The following THNSL2 variants were observed in gnomAD, a reference collection of about 807,000 sequenced individuals.
The protein encoded by THNSL2 is threonine synthase like 2, also known as threonine synthase-like 2.
In THNSL2, 34 loss-of-function variants were observed where a neutral mutation model predicts 40.0. The ratio of observed to expected loss-of-function variants is 0.85; its 90% CI spans 0.65 to 1.13. The LOEUF (loss-of-function observed/expected upper bound fraction) is 1.13, where lower values mean the gene tolerates loss of function less well. Among genes scored for constraint, THNSL2 ranks in the 50% most tolerant of loss-of-function variants. THNSL2 has a pLI of 0.00. For synonymous variants in THNSL2, 241 were observed against 247.5 expected, an observed-to-expected ratio of 0.97 and a Z score of 0.25; for missense variants, 537 against 608.8, an observed-to-expected ratio of 0.88 and a Z score of 1.24.
In THNSL2 at chr2:88,173,165, C is replaced by A. The variant is rs1211843289; in HGVS notation, c.15C>A (p.Ser5Arg). 6.4e-7 allele frequency: 1 copy of A among 1,571,644 alleles called. No homozygotes were observed. Among genetic ancestry groups the A allele is most frequent in the Non-Finnish European group, 8.6e-7 (1 of 1,157,020 alleles). Residue 5 changes from serine (S) to arginine (R), a missense_variant, in exon 2 of 9, where the codon AGC (serine) becomes AGA (arginine). Transcript: ENST00000674334. MWYV[S>R]TRGVAPRVNF... ...CCTCCAGGATCATGTGGTATGTCAG[C>A]ACCAGGGGCGTAGCCCCACGGGTCA...
intron 4 of THNSL2, 38 bp from the exon 5 acceptor site, chr2:88,178,745 T>C (rs369856189): frequency 3.2e-5 from 51 of 1,611,470 alleles, no homozygotes; most frequent in Non-Finnish European, 5.9e-6. Context: ...GGGTTCTACA[T>C]GCTCCTGACA....
Position 88,179,009 on chromosome 2 carries a change from T to C in THNSL2, c.798T>C (p.Leu266=), listed in dbSNP as rs758196954. ...VVVPTGAAGN[L]AAGYIAQKIG... is the part of the protein sequence containing the mutation. The stretch of plus-strand genomic sequence containing the variant: ...TGCCAACAGGGGCTGCCGGTAACCT[T>C]GCAGGTAAGGAATCCCCGGGGCACA... Residue 266 remains leucine, a synonymous_variant, in exon 5 of 9, where the codon CTT becomes CTC. Coordinates refer to ENST00000674334, the MANE Select transcript of THNSL2 (RefSeq NM_018271.5). 8 of 1,614,158 alleles carry C rather than the reference T, an allele frequency of 5.0e-6. No homozygotes were observed. The highest frequency in any genetic ancestry group is 6.8e-6 in the Non-Finnish European group (8 of 1,180,008).
In THNSL2 at chr2:88,173,251, A is replaced by G; in HGVS notation, c.101A>G (p.Glu34Gly). The change falls in exon 2 of 9, where the codon GAG (glutamate) becomes GGG (glycine). Residue 34 changes from glutamate to glycine, a missense_variant. Coordinates refer to ENST00000674334, the MANE Select transcript of THNSL2 (RefSeq NM_018271.5). ...APDGGLFMPEELPQLDRGTLC... is the reference protein window; with the variant it reads ...APDGGLFMPEGLPQLDRGTLC... The stretch of plus-strand genomic sequence containing the variant: ...GACGGGGGCCTCTTTATGCCTGAAG[A>G]GCTCCCACAGTTGGACAGAGGGACC... 6.2e-7 allele frequency: 1 copy of G among 1,612,150 alleles called. No individual in the cohort carries two copies. Among genetic ancestry groups the G allele is most frequent in the South Asian group, 1.1e-5 (1 of 90,998 alleles).
At chr2:88,171,654 C>T (rs1422176135) in intron 1 of THNSL2, 3 of 184,052 alleles carry the variant, frequency 1.6e-5, no homozygotes, top group Admixed American at 5.9e-5. Flanking sequence ...TTGAGGGCAC[C>T]GCTAGCACCT....
At chr2:88,183,220 A>G in intron 7 of THNSL2, 147 bp downstream of exon 7, 3 of 1,084,058 alleles carry the variant, frequency 2.8e-6, no homozygotes, top group Non-Finnish European at 3.8e-6. Flanking sequence ...CTTTACATGG[A>G]ATAATTTATT....
intron 1 of THNSL2, chr2:88,171,585 T>G (rs1676384923): frequency 4.1e-6 from 1 of 241,370 alleles, no homozygotes. Flanking sequence ...CTCCACGGTC[T>G]TGGGCAGTTT....
At chr2:88,172,089 A>C (rs2104112042) in intron 1 of THNSL2, 1 of 152,410 alleles carries the variant, frequency 6.6e-6, no homozygotes, top group Non-Finnish European at 1.5e-5. Flanking sequence ...CCACCCTGGC[A>C]CAGAAAGTCC....
Position 88,185,995 on chromosome 2 carries a change from G to A in THNSL2, c.1327G>A (p.Ala443Thr), listed in dbSNP as rs772532173. 84 of 1,612,344 alleles carry A rather than the reference G, an allele frequency of 5.2e-5. 2 individuals are homozygous for A. The highest frequency in any genetic ancestry group is 5.3e-5 in the Non-Finnish European group (62 of 1,179,518). ...LTPETPAEIV[A>T]LEHKETRCTL... ...CCCTGAGACTCCCGCGGAGATCGTAGCCCTGGAGCACAAGGAGACACGCTG... is the reference window on the plus strand; with the variant it reads ...CCCTGAGACTCCCGCGGAGATCGTAACCCTGGAGCACAAGGAGACACGCTG... Residue 443 changes from alanine (A) to threonine (T), a missense_variant, in exon 9 of 9, where the codon GCC becomes ACC. Ala to Thr is a moderately conservative substitution (Grantham distance 58). Transcript: ENST00000674334.
chr2:88,174,427 A>G (rs181346585), intron 2 of THNSL2, among the ~76,000 whole-genome samples: 1 of 152,356 alleles, frequency 6.6e-6, no homozygotes, highest in Non-Finnish European at 1.5e-5. Flanking sequence ...TCACTGAGGA[A>G]ATCACTATAA....
At chr2:88,170,813 C>T (rs1676284109) in intron 1 of THNSL2, among the ~76,000 whole-genome samples, 1 of 151,656 alleles carries the variant, frequency 6.6e-6, no homozygotes, top group Non-Finnish European at 1.5e-5. Flanking sequence ...TCAGAGAGCC[C>T]GGGGTCTGCC....
Position 88,173,184 on chromosome 2 carries a change from C to T in THNSL2, c.34C>T (p.Arg12Trp), listed in dbSNP as rs766553064. 1.9e-5 allele frequency: 31 copies of T among 1,597,282 alleles called. No individual in the cohort carries two copies. Among genetic ancestry groups the T allele is most frequent in the African/African-American group, 4.0e-5 (3 of 74,480 alleles). Residue 12 changes from arginine (R) to tryptophan (W), a missense_variant, in exon 2 of 9, where the codon CGG (arginine) becomes TGG (tryptophan). Physicochemically the swap from Arg to Trp is moderately radical, Grantham distance 101 (BLOSUM62 -3). Transcript: ENST00000674334. Reference sequence around the variant, plus strand: ...TGTCAGCACCAGGGGCGTAGCCCCACGGGTCAACTTTGAGGGGGCCCTCTT... The same window carrying T: ...TGTCAGCACCAGGGGCGTAGCCCCATGGGTCAACTTTGAGGGGGCCCTCTT... ...WYVSTRGVAP[R>W]VNFEGALFSG...
rs1340040788 is a variant in THNSL2 at position 88,173,273 on chromosome 2, G to A, written c.123G>A (p.Gly41=). 1.9e-6 allele frequency: 3 copies of A among 1,612,370 alleles called. No homozygotes were observed. The highest frequency in any genetic ancestry group is 4.5e-5 in the East Asian group (2 of 44,888). Residue 41 remains glycine, a synonymous_variant, in exon 2 of 9, where the codon GGG becomes GGA. Transcript: ENST00000674334. Reference sequence around the variant, plus strand: ...AAGAGCTCCCACAGTTGGACAGAGGGACCCTGTGCCAGTGGAGCACACTCT... The same window carrying A: ...AAGAGCTCCCACAGTTGGACAGAGGAACCCTGTGCCAGTGGAGCACACTCT... ...MPEELPQLDR[G]TLCQWSTLSY...
chr2:88,185,962 G>C lies in THNSL2; in HGVS notation c.1294G>C (p.Gly432Arg). The C allele has an allele frequency of 1.2e-6, 2 of 1,613,072 alleles. No homozygotes were observed. Among genetic ancestry groups the C allele is most frequent in the Non-Finnish European group, 1.7e-6 (2 of 1,179,776 alleles). The change falls in exon 9 of 9, where the codon GGC becomes CGC. Residue 432 changes from glycine (G) to arginine (R), a missense_variant. Coordinates refer to ENST00000674334, the MANE Select transcript of THNSL2 (RefSeq NM_018271.5). ...AKFPEAVLAA[G>R]LTPETPAEIV... ...GTTCCCGGAAGCTGTCCTGGCTGCT[G>C]GCCTGACCCCTGAGACTCCCGCGGA...
rs1431807512 is a variant in THNSL2, at chr2:88,170,347, C to G, written c.-122C>G. 6.6e-6 allele frequency: 1 copy of G among 151,674 alleles called. No homozygotes were observed. The highest frequency in any genetic ancestry group is 1.5e-5 in the Non-Finnish European group (1 of 67,816). The allele number at this position is 151,674 out of a possible 1,614,324, so 9.4% of individuals were successfully genotyped here. A position where few individuals can be genotyped will look rare whatever the true frequency, so the allele number is the denominator to read the frequency against. ...GGCCCCGACCGGAAGCCCCACCGCA[C>G]CGTCAGGGACGCGGACTCGGGAGTG... On this transcript the variant is annotated 5_prime_UTR_variant, in exon 1 of 9. Transcript: ENST00000674334.
chr2:88,185,023 C>T (rs962065809), intron 7 of THNSL2, among the ~76,000 whole-genome samples: 5 of 152,168 alleles, frequency 3.3e-5, no homozygotes, highest in Non-Finnish European at 4.4e-5. Context: ...AAGCACCAGA[C>T]GTGTGGCTGC....
chr2:88,175,197 C>T (rs1238670883), intron 3 of THNSL2, 52 bp from the exon 4 acceptor site: 26 of 1,572,352 alleles, frequency 1.7e-5, no homozygotes, highest in East Asian at 1.1e-4. Context: ...TTTCTTTCCT[C>T]GTTCATTCCC....
intron 5 of THNSL2, among the ~76,000 whole-genome samples, chr2:88,181,100 C>T (rs1677497894): frequency 7.7e-4 from 1 of 1,292 alleles, no homozygotes; most frequent in African/African-American, 1.8e-3. Context: ...GCTCTCCTCT[C>T]TCCTCTCTCT....
rs1414480737 is a variant in THNSL2 at position 88,186,170 on chromosome 2, C to G, written c.*47C>G. 3.3e-6 allele frequency: 5 copies of G among 1,528,554 alleles called. No individual in the cohort carries two copies. The Admixed American group carries it at 9.8e-5, about 30-fold the overall frequency. The allele number at this position is 1,528,554 out of a possible 1,614,324, so 94.7% of individuals were successfully genotyped here. A position where few individuals can be genotyped will look rare whatever the true frequency, so the allele number is the denominator to read the frequency against. On this transcript the variant is annotated 3_prime_UTR_variant, in exon 9 of 9. Transcript: ENST00000674334. ...TTAGGCTTCAGATCCCAGGAAGATGCACCTTCTGAGCTGCCTTGTGCACCC... is the reference window on the plus strand; with the variant it reads ...TTAGGCTTCAGATCCCAGGAAGATGGACCTTCTGAGCTGCCTTGTGCACCC...
rs76646242 is a variant in THNSL2, at chr2:88,171,043, G to A, written c.-13+587G>A. 9.0e-3 allele frequency among the ~76,000 whole-genome samples: 1,369 copies of A among 152,244 alleles called. 9 individuals carry two copies. The highest frequency in any genetic ancestry group is 0.015 in the Non-Finnish European group (1,002 of 68,020). Reference sequence around the variant, plus strand: ...GGAATAGGGTCCAGAGGAGTGGCAAGGGAAAATTATTAGAATATAAAATCC... The same window carrying A: ...GGAATAGGGTCCAGAGGAGTGGCAAAGGAAAATTATTAGAATATAAAATCC... On this transcript the variant is annotated intron_variant, in intron 1 of 8. Transcript: ENST00000674334.
Sources: gnomAD v4.1 joint callset for allele counts (sites outside exome capture counted in the v4.1 genomes callset) on GRCh38, gnomAD v4.1.1 for gene constraint, MANE v1.5 for transcripts, NCBI Gene and HGNC (gene_info 2026-07-23, HGNC 2026-07-21) for gene names.